Variants in MIPOL1 observed in about 807,000 individuals in gnomAD.
The protein encoded by MIPOL1 is mirror-image polydactyly gene 1 protein.
Under a neutral mutation model 60.9 loss-of-function variants are expected in MIPOL1, and 57 were observed. The observed-to-expected ratio is 0.94, with a 90% CI of 0.76 to 1.17. MIPOL1 has a LOEUF of 1.17. MIPOL1 is among the 50% of genes most tolerant of loss of function. MIPOL1 has a pLI of 0.00. For missense variants in MIPOL1, 551 were observed against 511.6 expected, an observed-to-expected ratio of 1.08 and a Z score of -0.74; for synonymous variants, 179 against 168.8, an observed-to-expected ratio of 1.06 and a Z score of -0.47.
chr14:37,518,156 C>G (rs1195861145), intron 12 of MIPOL1, among the ~76,000 whole-genome samples: 1 of 151,962 alleles, frequency 6.6e-6, no homozygotes, highest in Non-Finnish European at 1.5e-5. Context: ...AGTTTACTAA[C>G]TATGTTAACA....
chr14:37,519,669 G>T (rs1229798922), intron 12 of MIPOL1, among the ~76,000 whole-genome samples: 1 of 151,188 alleles, frequency 6.6e-6, no homozygotes, highest in East Asian at 1.9e-4. Flanking sequence ...TGTTACAGGG[G>T]AAAAAAAAGA....
intron 11 of MIPOL1, among the ~76,000 whole-genome samples, chr14:37,443,044 A>C (rs1046143697): frequency 6.6e-6 from 1 of 152,200 alleles, no homozygotes; most frequent in Admixed American, 6.6e-5. Flanking sequence ...CAAAGGAGGC[A>C]GACTCAAACC....
chr14:37,534,368 T>C (rs768250941), intron 12 of MIPOL1, among the ~76,000 whole-genome samples: 4 of 152,220 alleles, frequency 2.6e-5, no homozygotes, highest in African/African-American at 4.8e-5. Context: ...ATACTACAAA[T>C]CTTCACATTA....
intron 11 of MIPOL1, among the ~76,000 whole-genome samples, chr14:37,496,563 A>C (rs1478568718): frequency 6.8e-6 from 1 of 146,606 alleles, no homozygotes; most frequent in Non-Finnish European, 1.5e-5. Flanking sequence ...TGCTTCAAAG[A>C]GAATAAAATA....
intron 11 of MIPOL1, among the ~76,000 whole-genome samples, chr14:37,448,734 T>C (rs1479683382): frequency 2.0e-5 from 3 of 152,164 alleles, no homozygotes; most frequent in African/African-American, 7.2e-5. Context: ...GGAAAGAAAG[T>C]TTTAAAGATC....
chr14:37,243,644 C>G (rs1361306249), intron 1 of MIPOL1, among the ~76,000 whole-genome samples: 1 of 152,008 alleles, frequency 6.6e-6, no homozygotes, highest in Non-Finnish European at 1.5e-5. Flanking sequence ...ATGGCATAAA[C>G]CAAAGTCAGC....
intron 12 of MIPOL1, 150 bp downstream of exon 12, chr14:37,500,288 A>G: frequency 1.6e-6 from 1 of 637,794 alleles, no homozygotes; most frequent in Non-Finnish European, 2.6e-6. Flanking sequence ...TAGATTGGAT[A>G]CCATATGCCA....
intron 9 of MIPOL1, among the ~76,000 whole-genome samples, chr14:37,333,608 T>C (rs2089900406): frequency 6.6e-6 from 1 of 152,056 alleles, no homozygotes; most frequent in African/African-American, 2.4e-5. Flanking sequence ...TATATTAATA[T>C]CAGATGAAGT....
intron 9 of MIPOL1, among the ~76,000 whole-genome samples, chr14:37,322,008 A>G (rs896642561): frequency 1.3e-5 from 2 of 151,940 alleles, no homozygotes; most frequent in Non-Finnish European, 2.9e-5. Context: ...GGAATCTATT[A>G]TTATATTTTG....
chr14:37,422,746 G>T (rs573214319), intron 10 of MIPOL1, 109 bp from the exon 11 acceptor site: 63 of 562,532 alleles, frequency 1.1e-4, no homozygotes, highest in South Asian at 9.3e-4. Context: ...ACATTCATAG[G>T]TTTTTTTTTT....
chr14:37,356,933 C>T (rs374556810), intron 9 of MIPOL1, among the ~76,000 whole-genome samples: 1 of 152,124 alleles, frequency 6.6e-6, no homozygotes, highest in Non-Finnish European at 1.5e-5. Flanking sequence ...GCTCCTCCCC[C>T]CAGGATCTCA....
intron 6 of MIPOL1, chr14:37,278,760 G>A (rs937972578): frequency 9.9e-5 from 15 of 151,666 alleles, no homozygotes; most frequent in Non-Finnish European, 1.9e-4. Context: ...TGTCTCACTC[G>A]TACTGTATTT....
intron 10 of MIPOL1, among the ~76,000 whole-genome samples, chr14:37,392,769 T>C (rs1391888609): frequency 6.6e-6 from 1 of 152,126 alleles, no homozygotes; most frequent in East Asian, 1.9e-4. Flanking sequence ...TCAGCATCAG[T>C]TGGGCACAAA....
At chr14:37,296,603 T>TA (rs1272116374) in intron 7 of MIPOL1, among the ~76,000 whole-genome samples, 3 of 151,884 alleles carry the variant, frequency 2.0e-5, no homozygotes, top group African/African-American at 7.3e-5. Context: ...ATAGACACAA[T>TA]AAAAAATGGC....
Position 37,543,404 on chromosome 14 carries a change from T to A in MIPOL1, c.1263-3501T>A, listed in dbSNP as rs540347174. Among the ~76,000 whole-genome samples, 30 of 152,238 alleles carry A rather than the reference T, an allele frequency of 2.0e-4. No homozygotes were observed. The South Asian group carries it at 6.0e-3, about 30-fold the overall frequency. On this transcript the variant is annotated intron_variant, in intron 12 of 12. Transcript: ENST00000684589. ...AGTTCTTGTGTCTCAGCCTCCCGAA[T>A]AGCTGGGATTACAGGCATGTGCCAC...
intron 9 of MIPOL1, among the ~76,000 whole-genome samples, chr14:37,338,401 C>T (rs2090340045): frequency 9.0e-6 from 1 of 110,864 alleles, no homozygotes; most frequent in African/African-American, 3.4e-5. Context: ...TGAACCACCG[C>T]GCCTGGCCCC....
chr14:37,523,778 T>C (rs1034921391), intron 12 of MIPOL1, among the ~76,000 whole-genome samples: 23 of 152,308 alleles, frequency 1.5e-4, no homozygotes, highest in African/African-American at 5.5e-4. Flanking sequence ...AAAATATTCA[T>C]ACACAGAAGT....
Position 37,336,090 on chromosome 14 carries a change from G to A in MIPOL1, c.828+27571G>A, listed in dbSNP as rs151213337. Among the ~76,000 whole-genome samples, 118 of 135,868 alleles carry A rather than the reference G, an allele frequency of 8.7e-4. 2 individuals carry two copies. The highest frequency in any genetic ancestry group is 3.1e-3 in the African/African-American group (115 of 36,764). 89.1% of individuals were successfully genotyped at this position (135,868 alleles called of 152,430 possible). A position where few individuals can be genotyped will look rare whatever the true frequency, so the allele number is the denominator to read the frequency against. On this transcript the variant is annotated intron_variant, in intron 9 of 12. Transcript: ENST00000684589. The stretch of plus-strand genomic sequence containing the variant: ...AATATTTGTATATGGTATAAGGTAA[G>A]GGTCCAAATTCATGGTTTTTTTTTT...
chr14:37,430,132 C>A (rs1439975925), intron 11 of MIPOL1, among the ~76,000 whole-genome samples: 2 of 152,030 alleles, frequency 1.3e-5, no homozygotes, highest in Admixed American at 1.3e-4. Flanking sequence ...ATTATGGTAC[C>A]ATACTGCAAC....
Sources: gnomAD v4.1 joint callset for allele counts (sites outside exome capture counted in the v4.1 genomes callset) on GRCh38, gnomAD v4.1.1 for gene constraint, MANE v1.5 for transcripts, NCBI Gene and HGNC (gene_info 2026-07-23, HGNC 2026-07-21) for gene names.